Variants in TBL1XR1 observed in about 807,000 individuals in gnomAD.
TBL1XR1 encodes the protein TBL1X/Y related 1, also known as F-box-like/WD repeat-containing protein TBL1XR1.
Under a neutral mutation model 66.9 loss-of-function variants are expected in TBL1XR1, and 5 were observed. The observed-to-expected ratio is 0.07, with a 90% CI of 0.04 to 0.16. TBL1XR1 has a LOEUF of 0.16. Among genes scored for constraint, TBL1XR1 ranks in the 10% least tolerant of loss-of-function variants. TBL1XR1 has a pLI of 1.00. For synonymous variants in TBL1XR1, 210 were observed against 206.0 expected, an observed-to-expected ratio of 1.02 and a Z score of -0.17; for missense variants, 238 against 623.2, an observed-to-expected ratio of 0.38 and a Z score of 6.58.
intron 1 of TBL1XR1, among the ~76,000 whole-genome samples, chr3:177,163,779 C>T (rs753340307): frequency 1.8e-4 from 27 of 152,070 alleles, no homozygotes; most frequent in Admixed American, 3.9e-4. Context: ...TTTTGAACAA[C>T]GTGAATATAT....
At chr3:177,080,961 A>C (rs1181230008) in intron 2 of TBL1XR1, among the ~76,000 whole-genome samples, 1 of 152,236 alleles carries the variant, frequency 6.6e-6, no homozygotes, top group Non-Finnish European at 1.5e-5. Context: ...AGAACCAGTA[A>C]ACGTATCTCT....
chr3:177,045,720 C>A (rs955317579), intron 10 of TBL1XR1, among the ~76,000 whole-genome samples: 1 of 152,022 alleles, frequency 6.6e-6, no homozygotes, highest in East Asian at 1.9e-4. Flanking sequence ...TAGCCTTATC[C>A]CATAACAAAC....
chr3:177,192,124 G>T (rs1171902635), intron 1 of TBL1XR1, among the ~76,000 whole-genome samples: 2 of 141,500 alleles, frequency 1.4e-5, no homozygotes, highest in African/African-American at 5.2e-5. Flanking sequence ...GAAGCTGGGC[G>T]CGGTGGCTCA....
chr3:177,105,642 G>A (rs1455287518), intron 1 of TBL1XR1, among the ~76,000 whole-genome samples: 1 of 152,206 alleles, frequency 6.6e-6, no homozygotes, highest in Non-Finnish European at 1.5e-5. Context: ...CAAGAAGACT[G>A]TCTTTGATTA....
At chr3:177,126,015 T>C (rs866546858) in intron 1 of TBL1XR1, 5 of 152,178 alleles carry the variant, frequency 3.3e-5, no homozygotes, top group Non-Finnish European at 5.9e-5. Flanking sequence ...CAGTGCGTAA[T>C]AAAAAATATG....
intron 1 of TBL1XR1, among the ~76,000 whole-genome samples, chr3:177,116,572 T>A (rs1238183571): frequency 1.3e-5 from 2 of 152,202 alleles, no homozygotes; most frequent in African/African-American, 4.8e-5. Context: ...AAGGTATGTA[T>A]CTTGAAAGAT....
chr3:177,093,072 AC>A (rs1723032434), intron 2 of TBL1XR1, among the ~76,000 whole-genome samples: 1 of 151,920 alleles, frequency 6.6e-6, no homozygotes. Flanking sequence ...AACCCTAAAA[AC>A]TCCTCCAAAA....
chr3:177,131,858 T>TA (rs1728332408), intron 1 of TBL1XR1, among the ~76,000 whole-genome samples: 1 of 143,276 alleles, frequency 7.0e-6, no homozygotes, highest in Non-Finnish European at 1.5e-5. Flanking sequence ...CATCTTCCAA[T>TA]AAAGACAAGA....
chr3:177,061,572 T>G lies in TBL1XR1; in HGVS notation c.58+3348A>C, dbSNP rs530226075. On this transcript the variant is annotated intron_variant, in intron 3 of 15. Coordinates refer to ENST00000457928, the MANE Select transcript of TBL1XR1 (RefSeq NM_024665.7). ...TGGAAGTCTTCACAAACCAGTCCTTTGAATGTCCCTGCACAAATACTTCCT... is the reference window on the plus strand; with the variant it reads ...TGGAAGTCTTCACAAACCAGTCCTTGGAATGTCCCTGCACAAATACTTCCT... Among the ~76,000 whole-genome samples, 5 of 152,312 alleles carry G rather than the reference T, an allele frequency of 3.3e-5. No homozygotes were observed. In the South Asian group the frequency reaches 6.2e-4, roughly 19 times the overall value.
chr3:177,138,851 G>A (rs1729298780), intron 1 of TBL1XR1, among the ~76,000 whole-genome samples: 1 of 152,184 alleles, frequency 6.6e-6, no homozygotes, highest in Non-Finnish European at 1.5e-5. Flanking sequence ...TAACCCAAGA[G>A]AGCAGGGTAC....
At chr3:177,186,624 T>C (rs976753783) in intron 1 of TBL1XR1, among the ~76,000 whole-genome samples, 1 of 152,194 alleles carries the variant, frequency 6.6e-6, no homozygotes, top group Admixed American at 6.5e-5. Context: ...CTATTCACAG[T>C]TGAAGGTAAC....
intron 1 of TBL1XR1, among the ~76,000 whole-genome samples, chr3:177,117,603 T>C (rs1032293202): frequency 6.6e-6 from 1 of 152,168 alleles, no homozygotes; most frequent in African/African-American, 2.4e-5. Context: ...CACAGGGAAA[T>C]CTAATGTGCT....
At chr3:177,047,420 T>C (rs1164363725) in intron 8 of TBL1XR1, 23 bp from the exon 9 acceptor site, 1 of 1,599,278 alleles carries the variant, frequency 6.3e-7, no homozygotes, top group Non-Finnish European at 8.5e-7. Flanking sequence ...AGAAAAACAT[T>C]AACATTATTT....
At chr3:177,139,672 AAAAAAAAAG>A (rs1159083711) in intron 1 of TBL1XR1, among the ~76,000 whole-genome samples, 1 of 151,576 alleles carries the variant, frequency 6.6e-6, no homozygotes, top group Non-Finnish European at 1.5e-5. Flanking sequence ...ATATAGTTAA[AAAAAAAAAG>A]AAAAAGAAAA....
chr3:177,033,677 C>T (rs1178621652), intron 13 of TBL1XR1, among the ~76,000 whole-genome samples: 4 of 152,034 alleles, frequency 2.6e-5, no homozygotes, highest in African/African-American at 4.8e-5. Context: ...AAGGAACCGA[C>T]GTAAGTGCCC....
At chr3:177,097,644 T>C (rs1318464467) in intron 2 of TBL1XR1, among the ~76,000 whole-genome samples, 7 of 152,178 alleles carry the variant, frequency 4.6e-5, no homozygotes, top group Admixed American at 3.9e-4. Flanking sequence ...AGAATGACTC[T>C]CCTTAAAATG....
intron 1 of TBL1XR1, among the ~76,000 whole-genome samples, chr3:177,135,321 GTGT>G: frequency 9.4e-6 from 1 of 106,002 alleles, no homozygotes; most frequent in Admixed American, 1.0e-4. Context: ...GTGTGTGTGT[GTGT>G]GTGTGTGTGT....
chr3:177,155,552 T>G (rs1731386701), intron 1 of TBL1XR1, among the ~76,000 whole-genome samples: 2 of 152,240 alleles, frequency 1.3e-5, no homozygotes, highest in African/African-American at 4.8e-5. Flanking sequence ...AGTCATTGTC[T>G]ATAAATAATG....
At chr3:177,116,395 C>CT (rs1359730656) in intron 1 of TBL1XR1, among the ~76,000 whole-genome samples, 1 of 152,120 alleles carries the variant, frequency 6.6e-6, no homozygotes, top group East Asian at 1.9e-4. Flanking sequence ...GCACCATGAC[C>CT]TTCTATTTCT....
Sources: allele counts gnomAD v4.1 joint callset (sites outside exome capture counted in the v4.1 genomes callset), GRCh38; gene constraint gnomAD v4.1.1; transcripts MANE v1.5; gene names NCBI Gene and HGNC (gene_info 2026-07-23, HGNC 2026-07-21).